TSHZ1: variants seen among roughly 807,000 people sequenced by gnomAD.
TSHZ1 encodes teashirt zinc finger homeobox 1.
TSHZ1 carries 12 observed loss-of-function variants against 67.1 expected under a neutral mutation model. The ratio of observed to expected loss-of-function variants is 0.18; its 90% CI spans 0.11 to 0.29. The LOEUF is 0.29. Ranked by LOEUF, TSHZ1 falls within the 10% of genes least tolerant of loss-of-function variation. The probability of loss-of-function intolerance (pLI) is 1.00; values close to 1 mark genes in which losing one functional copy is unlikely to be tolerated. For missense variants in TSHZ1, 1,305 were observed against 1,413.9 expected, an observed-to-expected ratio of 0.92 and a Z score of 1.23; for synonymous variants, 632 against 622.4, an observed-to-expected ratio of 1.02 and a Z score of -0.23.
chr18:75,280,088 C>CT, intron 1 of TSHZ1, among the ~76,000 whole-genome samples: 1 of 152,264 alleles, frequency 6.6e-6, no homozygotes, highest in South Asian at 2.1e-4. Context: ...TTGTCTTCTG[C>CT]TTTTTTCATT....
chr18:75,261,272 A>G (rs898450365), intron 1 of TSHZ1, among the ~76,000 whole-genome samples: 2 of 152,198 alleles, frequency 1.3e-5, no homozygotes, highest in Non-Finnish European at 2.9e-5. Flanking sequence ...ACTCTGCCAT[A>G]GAGACCTTCC....
intron 1 of TSHZ1, 142 bp from the exon 2 acceptor site, chr18:75,285,306 G>T (rs2023737280): frequency 1.3e-5 from 13 of 1,005,400 alleles, no homozygotes; most frequent in Non-Finnish European, 1.5e-5. Flanking sequence ...CTGCAAAGGG[G>T]TAGATATGTA....
At chr18:75,247,406 G>A in intron 1 of TSHZ1, among the ~76,000 whole-genome samples, 1 of 152,202 alleles carries the variant, frequency 6.6e-6, no homozygotes, top group East Asian at 1.9e-4. Context: ...CCATGCTTTT[G>A]TAGAAAGTTG....
chr18:75,263,082 G>A (rs1356194285), intron 1 of TSHZ1, among the ~76,000 whole-genome samples: 2 of 152,148 alleles, frequency 1.3e-5, no homozygotes, highest in Non-Finnish European at 2.9e-5. Flanking sequence ...TGCCTCCACA[G>A]TCAATGTGTT....
chr18:75,211,950 G>T, intron 1 of TSHZ1, 34 bp downstream of exon 1: 2 of 1,202,252 alleles, frequency 1.7e-6, no homozygotes, highest in Non-Finnish European at 2.1e-6. Context: ...GCGGGGAGTG[G>T]GCGCCGGGAG....
intron 1 of TSHZ1, among the ~76,000 whole-genome samples, chr18:75,262,701 A>C (rs75265258): frequency 0.037 from 5,607 of 152,322 alleles, 112 homozygotes; most frequent in South Asian, 0.089. Context: ...AGTGCCACAC[A>C]GTCTCTGGTG....
chr18:75,242,963 A>G (rs569059883), intron 1 of TSHZ1, among the ~76,000 whole-genome samples: 12 of 152,140 alleles, frequency 7.9e-5, no homozygotes, highest in Middle Eastern at 6.8e-3. Flanking sequence ...CCTGCATGTC[A>G]CTCTGCTGTC....
Position 75,287,017 on chromosome 18 carries a change from G to A in TSHZ1, c.1610G>A (p.Arg537His), listed in dbSNP as rs200622384. The A allele has an allele frequency of 1.9e-5, 31 of 1,613,884 alleles. No individual in the cohort carries two copies. Among genetic ancestry groups the A allele is most frequent in the South Asian group, 5.5e-5 (5 of 91,092 alleles). ...FEPSTLYPYLREEDLDDSPKG... is the reference protein window; with the variant it reads ...FEPSTLYPYLHEEDLDDSPKG... Reference sequence around the variant, plus strand: ...CCCAGCACCCTGTACCCGTACCTGCGTGAGGAGGACCTGGACGACAGCCCC... The same window carrying A: ...CCCAGCACCCTGTACCCGTACCTGCATGAGGAGGACCTGGACGACAGCCCC... Residue 537 changes from arginine (R) to histidine (H), a missense_variant, in exon 2 of 2, where the codon CGT (arginine) becomes CAT (histidine). This residue lies in a region of TSHZ1 where 909 missense variants were observed against 961.8 expected (regional missense o/e 0.95). Transcript: ENST00000580243. This position sits in a 1 kb window ranked among gnomAD's most constrained non-coding sequence, Gnocchi z 5.0.
chr18:75,222,093 C>T (rs538192588), intron 1 of TSHZ1, among the ~76,000 whole-genome samples: 5 of 152,220 alleles, frequency 3.3e-5, no homozygotes, highest in East Asian at 1.9e-4. Flanking sequence ...ATGAAAATAG[C>T]GCACTGGCGG....
chr18:75,253,699 G>A (rs2122570708), intron 1 of TSHZ1, among the ~76,000 whole-genome samples: 1 of 152,346 alleles, frequency 6.6e-6, no homozygotes, highest in East Asian at 1.9e-4. Context: ...AATAGTGAAA[G>A]CAACTATATG....
intron 1 of TSHZ1, 98 bp downstream of exon 1, chr18:75,212,014 G>A: frequency 4.1e-6 from 4 of 977,208 alleles, no homozygotes; most frequent in South Asian, 5.0e-5. Flanking sequence ...GCCGCGGGCC[G>A]CCCCAAGCTG....
In TSHZ1 at chr18:75,257,787, T is replaced by C. The variant is rs141848297; in HGVS notation, c.41-27661T>C. ...AACGCCAGTCGTCACGTTAGTCATG[T>C]TGCACATGTTCCCGTGGTAACAGAA... On this transcript the variant is annotated intron_variant, in intron 1 of 1. Coordinates refer to ENST00000580243, the MANE Select transcript of TSHZ1 (RefSeq NM_001308210.2). Among the ~76,000 whole-genome samples the C allele has an allele frequency of 2.5e-3, 377 of 152,320 alleles. 1 individual carries two copies. Among genetic ancestry groups the C allele is most frequent in the Non-Finnish European group, 4.3e-3 (294 of 68,016 alleles).
chr18:75,261,476 TGA>T (rs1292870784), intron 1 of TSHZ1, among the ~76,000 whole-genome samples: 1 of 152,160 alleles, frequency 6.6e-6, no homozygotes, highest in Non-Finnish European at 1.5e-5. Flanking sequence ...CAACCTTGGA[TGA>T]GACGACCAGA....
Position 75,234,916 on chromosome 18 carries a change from A to G in TSHZ1, c.40+23000A>G, listed in dbSNP as rs140576975. Among the ~76,000 whole-genome samples, 522 of 152,236 alleles carry G rather than the reference A, an allele frequency of 3.4e-3. 2 individuals are homozygous for G. Among genetic ancestry groups the G allele is most frequent in the African/African-American group, 0.012 (490 of 41,552 alleles). On this transcript the variant is annotated intron_variant, in intron 1 of 1. Coordinates refer to ENST00000580243, the MANE Select transcript of TSHZ1 (RefSeq NM_001308210.2). ...GGTGCACCACAGTGCCTTTTATTTCATTTTCTCAGTAGACCCAGCGCATCG... is the reference window on the plus strand; with the variant it reads ...GGTGCACCACAGTGCCTTTTATTTCGTTTTCTCAGTAGACCCAGCGCATCG...
chr18:75,249,988 A>C (rs1455233084), intron 1 of TSHZ1, among the ~76,000 whole-genome samples: 2 of 107,174 alleles, frequency 1.9e-5, no homozygotes, highest in African/African-American at 3.8e-5. Flanking sequence ...GGGGCGCATG[A>C]CCTCCTCATC....
At chr18:75,265,460 T>C (rs956077125) in intron 1 of TSHZ1, among the ~76,000 whole-genome samples, 1 of 152,214 alleles carries the variant, frequency 6.6e-6, no homozygotes, top group African/African-American at 2.4e-5. Context: ...TACTTACAAA[T>C]GACAGAGAAA....
chr18:75,279,858 C>T (rs543635226), intron 1 of TSHZ1, among the ~76,000 whole-genome samples: 9 of 152,224 alleles, frequency 5.9e-5, no homozygotes, highest in East Asian at 1.9e-4. Flanking sequence ...GGCTGGTAGA[C>T]GTTCCGTGAA....
chr18:75,219,925 A>C (rs1168579203), intron 1 of TSHZ1, among the ~76,000 whole-genome samples: 10 of 152,256 alleles, frequency 6.6e-5, no homozygotes, highest in African/African-American at 2.4e-4. Context: ...ATACATGCAC[A>C]GTCATATGTG....
chr18:75,237,417 G>T (rs2122544849), intron 1 of TSHZ1, among the ~76,000 whole-genome samples: 1 of 152,138 alleles, frequency 6.6e-6, no homozygotes, highest in East Asian at 1.9e-4. Flanking sequence ...AGCTACTCAG[G>T]AGGCTGAGGT....
Sources: gnomAD v4.1 joint callset for allele counts (sites outside exome capture counted in the v4.1 genomes callset) on GRCh38, gnomAD v4.1.1 for gene constraint, gnomAD v4.1.1 regional missense constraint, Gnocchi (gnomAD v3.1) non-coding constraint, MANE v1.5 for transcripts, NCBI Gene and HGNC (gene_info 2026-07-23, HGNC 2026-07-21) for gene names.